Variants in GCH1 observed in about 807,000 individuals in gnomAD.
GCH1 encodes GTP cyclohydrolase I.
Under a neutral mutation model 25.9 loss-of-function variants are expected in GCH1, and 5 were observed. The observed-to-expected ratio is 0.19, with a 90% CI of 0.10 to 0.41. The LOEUF (loss-of-function observed/expected upper bound fraction) is 0.41. Ranked by LOEUF, GCH1 falls within the 10% of genes least tolerant of loss-of-function variation. GCH1 has a pLI of 1.00. For synonymous variants in GCH1, 159 were observed against 129.6 expected (o/e 1.23, Z -1.54); for missense variants, 261 against 336.5 (o/e 0.78, Z 1.75).
At chr14:54,860,729 TG>T (rs1307381733) in intron 2 of GCH1, among the ~76,000 whole-genome samples, 1 of 151,996 alleles carries the variant, frequency 6.6e-6, no homozygotes, top group East Asian at 1.9e-4. Flanking sequence ...TTAGTAGAGA[TG>T]GTGTTTCACC....
At chr14:54,873,515 A>T (rs1295068220) in intron 1 of GCH1, among the ~76,000 whole-genome samples, 1 of 149,912 alleles carries the variant, frequency 6.7e-6, no homozygotes, top group African/African-American at 2.5e-5. Flanking sequence ...TGAAGGAGAT[A>T]GAGACACAAA....
intron 5 of GCH1, among the ~76,000 whole-genome samples, chr14:54,845,221 T>C (rs2039622966): frequency 6.6e-6 from 1 of 152,002 alleles, no homozygotes. Flanking sequence ...GGCTCACGCC[T>C]GTAATCCTAG....
Position 54,855,505 on chromosome 14 carries a change from CAAAAAA to C in GCH1, c.509+4170_509+4175del, listed in dbSNP as rs764999718. Among the ~76,000 whole-genome samples, 3 of 36,432 alleles carry C rather than the reference CAAAAAA, an allele frequency of 8.2e-5. 1 individual carries two copies. Among genetic ancestry groups the C allele is most frequent in the Non-Finnish European group, 1.3e-4 (3 of 23,914 alleles). The allele number at this position is 36,432 out of a possible 152,430, so 23.9% of individuals were successfully genotyped here. On this transcript the variant is annotated intron_variant, in intron 3 of 5. Transcript: ENST00000491895. ...TGGGCGACAGAGAAAGACCCTGTCT[CAAAAAA>C]AAAAAAAAAAAAAAAAAAGCTGGCC...
intron 3 of GCH1, among the ~76,000 whole-genome samples, chr14:54,850,570 C>T (rs552027348): frequency 3.4e-4 from 52 of 152,084 alleles, no homozygotes; most frequent in Non-Finnish European, 6.0e-4. Flanking sequence ...GTAAGTGCCA[C>T]GTTGGTGTGC....
At chr14:54,897,940 A>G (rs2040510996) in intron 1 of GCH1, among the ~76,000 whole-genome samples, 1 of 152,260 alleles carries the variant, frequency 6.6e-6, no homozygotes, top group Non-Finnish European at 1.5e-5. Flanking sequence ...CTGAAGGAAG[A>G]GAGTGCTAAC....
chr14:54,865,423 A>G lies in GCH1; in HGVS notation c.357T>C (p.Asp119=), dbSNP rs757515754. ...YQETISDVLN[D]AIFDEDHDEM... ...CATCATGATCTTCATCAAATATAGC[A>G]TCGTTTAGGACATCTGAAATCAGAG... is the stretch of plus-strand genomic sequence containing the variant. The change falls in exon 2 of 6, where the codon GAT becomes GAC. Residue 119 remains aspartate (D), a synonymous_variant. Transcript: ENST00000491895. 6.5e-7 allele frequency: 1 copy of G among 1,537,364 alleles called. No homozygotes were observed. Among genetic ancestry groups the G allele is most frequent in the Non-Finnish European group, 9.0e-7 (1 of 1,110,812 alleles).
At chr14:54,879,262 A>T (rs748643850) in intron 1 of GCH1, among the ~76,000 whole-genome samples, 11 of 151,950 alleles carry the variant, frequency 7.2e-5, no homozygotes, top group Non-Finnish European at 1.6e-4. Context: ...CTCTTCTAAA[A>T]ATACAAAAAT....
chr14:54,847,590 C>T (rs1230055610), intron 3 of GCH1, among the ~76,000 whole-genome samples: 1 of 152,138 alleles, frequency 6.6e-6, no homozygotes, highest in Non-Finnish European at 1.5e-5. Context: ...GACTGGCTCT[C>T]CTTGCTCCTC....
In GCH1 at chr14:54,859,794, C is replaced by T. The variant is rs2039867428; in HGVS notation, c.454-58G>A. 1.2e-5 allele frequency: 11 copies of T among 885,240 alleles called. No homozygotes were observed. The South Asian group carries it at 1.3e-4, about 11-fold the overall frequency. The allele number at this position is 885,240 out of a possible 1,614,324, so 54.8% of individuals were successfully genotyped here. On this transcript the variant is annotated intron_variant, in intron 2 of 5. Transcript: ENST00000491895. ...TGAAAATACAGTGCCTTCTTTGTGA[C>T]AAAATAAGGAAATATAGAAAGAATA...
At chr14:54,868,429 G>A (rs1357286792) in intron 1 of GCH1, among the ~76,000 whole-genome samples, 1 of 150,792 alleles carries the variant, frequency 6.6e-6, no homozygotes, top group African/African-American at 2.4e-5. Flanking sequence ...TTTTTTAAGT[G>A]TTTAAAAATT....
rs930100817 is a variant in GCH1 at position 54,894,606 on chromosome 14, C to T, written c.343+7715G>A. Among the ~76,000 whole-genome samples, 4 of 152,204 alleles carry T rather than the reference C, an allele frequency of 2.6e-5. No individual in the cohort carries two copies. In the South Asian group the frequency reaches 8.3e-4, roughly 32 times the overall value. On this transcript the variant is annotated intron_variant, in intron 1 of 5. Transcript: ENST00000491895. ...AGTTATGTATATTGATTTTTCTTCCCATGTCAGAAAAATTGTTTATAGATA... is the reference window on the plus strand; with the variant it reads ...AGTTATGTATATTGATTTTTCTTCCTATGTCAGAAAAATTGTTTATAGATA...
chr14:54,902,412 C>G lies in GCH1; in HGVS notation c.252G>C (p.Glu84Asp), dbSNP rs1263510185. ...AYSSILSSLG[E>D]NPQRQGLLKT... ...TGAGCAGCCCTTGCCGCTGGGGGTT[C>G]TCGCCCAGCGAGCTCAGGATGGACG... The change falls in exon 1 of 6, where the codon GAG (glutamate) becomes GAC (aspartate). Residue 84 changes from glutamate to aspartate, a missense_variant. Glu to Asp is a conservative substitution (Grantham distance 45). Around this residue, in one of 3 missense-constraint regions of GCH1, gnomAD observed 125 missense variants for 128.7 expected, o/e 0.97. Transcript: ENST00000491895. 2 of 1,612,960 alleles carry G rather than the reference C, an allele frequency of 1.2e-6. No individual in the cohort carries two copies. The highest frequency in any genetic ancestry group is 2.2e-5 in the South Asian group (2 of 91,076).
chr14:54,847,071 T>C, intron 4 of GCH1, 28 bp downstream of exon 4: 1 of 838,266 alleles, frequency 1.2e-6, no homozygotes, highest in South Asian at 1.5e-5. Flanking sequence ...AAAAATGTTT[T>C]CTGTTAATAC....
intron 1 of GCH1, among the ~76,000 whole-genome samples, chr14:54,869,206 T>G (rs1346393501): frequency 6.6e-6 from 1 of 150,594 alleles, no homozygotes; most frequent in Admixed American, 6.6e-5. Flanking sequence ...ACTCAGCTAA[T>G]TTTTTTGTAT....
At chr14:54,893,398 T>C (rs916302113) in intron 1 of GCH1, among the ~76,000 whole-genome samples, 3 of 152,054 alleles carry the variant, frequency 2.0e-5, no homozygotes, top group African/African-American at 7.3e-5. Flanking sequence ...AGACTCAAAT[T>C]ACAGTCCTCA....
intron 1 of GCH1, chr14:54,886,271 A>G (rs956220709): frequency 6.6e-6 from 1 of 152,654 alleles, no homozygotes; most frequent in African/African-American, 2.4e-5. Flanking sequence ...TAAATTTTAC[A>G]TTTAGTTTGT....
intron 2 of GCH1, among the ~76,000 whole-genome samples, chr14:54,861,591 C>T (rs1448744361): frequency 6.6e-6 from 1 of 151,848 alleles, no homozygotes; most frequent in Non-Finnish European, 1.5e-5. Flanking sequence ...GGCGTGGTGG[C>T]GGGTGCCTGT....
At chr14:54,858,717 C>T (rs1056630076) in intron 3 of GCH1, among the ~76,000 whole-genome samples, 1 of 151,930 alleles carries the variant, frequency 6.6e-6, no homozygotes, top group Non-Finnish European at 1.5e-5. Flanking sequence ...TTAACTTTCT[C>T]TCTCTCTCCA....
chr14:54,895,073 G>A (rs750313763), intron 1 of GCH1, among the ~76,000 whole-genome samples: 1 of 152,156 alleles, frequency 6.6e-6, no homozygotes, highest in Non-Finnish European at 1.5e-5. Flanking sequence ...AATCCGAGAG[G>A]TTTGTGATTC....
Sources: gnomAD v4.1 joint callset for allele counts (sites outside exome capture counted in the v4.1 genomes callset) on GRCh38, gnomAD v4.1.1 for gene constraint, gnomAD v4.1.1 regional missense constraint, MANE v1.5 for transcripts, NCBI Gene and HGNC (gene_info 2026-07-23, HGNC 2026-07-21) for gene names.